MZB1: variants seen among roughly 807,000 people sequenced by gnomAD.
The protein encoded by MZB1 is marginal zone B- and B1-cell-specific protein.
MZB1 carries 10 observed loss-of-function variants against 17.2 expected under a neutral mutation model. The ratio of observed to expected loss-of-function variants is 0.58; its 90% confidence interval spans 0.36 to 0.98. The LOEUF (loss-of-function observed/expected upper bound fraction) is 0.98. Among genes scored for constraint, MZB1 ranks in the 50% least tolerant of loss-of-function variants. The pLI is 0.01. For synonymous variants in MZB1, 99 were observed against 98.7 expected, an observed-to-expected ratio of 1.00 and a Z score of -0.02; for missense variants, 246 against 237.5, an observed-to-expected ratio of 1.04 and a Z score of -0.23.
rs980443440 is a variant in MZB1, at chr5:139,387,678, C to T, written c.*87G>A. Reference sequence around the variant, plus strand: ...GCAGGATGGCAGCACAGAGCAAGGGCTTCCTGCCCTCCTGGCTGCCTGCAG... The same window carrying T: ...GCAGGATGGCAGCACAGAGCAAGGGTTTCCTGCCCTCCTGGCTGCCTGCAG... On this transcript the variant is annotated 3_prime_UTR_variant, in exon 4 of 4. Coordinates refer to ENST00000302125, the MANE Select transcript of MZB1 (RefSeq NM_016459.4). 13 of 1,453,070 alleles carry T rather than the reference C, an allele frequency of 8.9e-6. No homozygotes were observed. Among genetic ancestry groups the T allele is most frequent in the African/African-American group, 2.9e-5 (2 of 69,368 alleles). The allele number at this position is 1,453,070 out of a possible 1,614,324, so 90.0% of individuals were successfully genotyped here. A position where few individuals can be genotyped will look rare whatever the true frequency, so the allele number is the denominator to read the frequency against.
chr5:139,387,973 A>G (rs1290090953), intron 3 of MZB1, 48 bp downstream of exon 3: 1 of 1,579,634 alleles, frequency 6.3e-7, no homozygotes, highest in African/African-American at 1.4e-5. Context: ...CAGTGGGGCA[A>G]ACCAAGGCTC....
Position 139,388,557 on chromosome 5 carries a change from G to T in MZB1, c.206C>A (p.Thr69Asn), listed in dbSNP as rs1758553200. The T allele has an allele frequency of 6.2e-7, 1 of 1,601,844 alleles. No homozygotes were observed. The highest frequency in any genetic ancestry group is 1.1e-5 in the South Asian group (1 of 88,502). The change falls in exon 2 of 4, where the codon ACC becomes AAC. Residue 69 changes from threonine (T) to asparagine (N), a missense_variant. Thr to Asn is a moderately conservative substitution (Grantham distance 65). Transcript: ENST00000302125. ...QMWQNLAKAE[T>N]KLHTSNSGGR... ...CCCAGAGTTTGAGGTATGAAGTTTGGTCTCTGCCTTTGCCAGATTTTGCCA... is the reference window on the plus strand; with the variant it reads ...CCCAGAGTTTGAGGTATGAAGTTTGTTCTCTGCCTTTGCCAGATTTTGCCA...
rs374361231 is a variant in MZB1, at chr5:139,387,817, C to T, written c.518G>A (p.Gly173Glu). Residue 173 changes from glycine to glutamate, a missense_variant, in exon 4 of 4, where the codon GGA becomes GAA. Transcript: ENST00000302125. ...CTTCTCTGAGCAGGCCCCCTGGGGTCCCCCACATAGCAATGCCTCCAGAGC... is the reference window on the plus strand; with the variant it reads ...CTTCTCTGAGCAGGCCCCCTGGGGTTCCCCACATAGCAATGCCTCCAGAGC... ...RGALEALLCG[G>E]PQGACSEKVS... 1.3e-6 allele frequency: 2 copies of T among 1,591,510 alleles called. No homozygotes were observed. Among genetic ancestry groups the T allele is most frequent in the Admixed American group, 3.7e-5 (2 of 53,742 alleles).
At chr5:139,389,343 G>T in intron 1 of MZB1, 1 of 542,166 alleles carries the variant, frequency 1.8e-6, no homozygotes, top group Non-Finnish European at 3.5e-6. Flanking sequence ...GCGCTCACAC[G>T]TGTGCACTTG....
intron 2 of MZB1, 127 bp from the exon 3 acceptor site, chr5:139,388,258 A>G (rs1284061977): frequency 6.4e-6 from 7 of 1,097,148 alleles, no homozygotes; most frequent in Non-Finnish European, 9.0e-6. Context: ...CCCTGGCCCA[A>G]GGTCACAAGG....
intron 2 of MZB1, 50 bp from the exon 3 acceptor site, chr5:139,388,181 A>G: frequency 1.3e-6 from 2 of 1,495,178 alleles, no homozygotes; most frequent in Non-Finnish European, 1.8e-6. Flanking sequence ...GAGCCCAGCC[A>G]GGGAGAGACC....
chr5:139,387,629 G>T lies in MZB1; in HGVS notation c.*136C>A. On this transcript the variant is annotated 3_prime_UTR_variant, in exon 4 of 4. Coordinates refer to ENST00000302125, the MANE Select transcript of MZB1 (RefSeq NM_016459.4). ...GGCGTTGACTCCCACCCAGGCCCGAGTGCCCTGAGGCTGGAGGAGGGAGGC... is the reference window on the plus strand; with the variant it reads ...GGCGTTGACTCCCACCCAGGCCCGATTGCCCTGAGGCTGGAGGAGGGAGGC... The T allele has an allele frequency of 8.9e-7, 1 of 1,122,372 alleles. No homozygotes were observed. Among genetic ancestry groups the T allele is most frequent in the Non-Finnish European group, 1.2e-6 (1 of 835,824 alleles). 69.5% of individuals were successfully genotyped at this position (1,122,372 alleles called of 1,614,324 possible). A position where few individuals can be genotyped will look rare whatever the true frequency, so the allele number is the denominator to read the frequency against.
chr5:139,388,789 C>G (rs1561987252), intron 1 of MZB1: 1 of 805,498 alleles, frequency 1.2e-6, no homozygotes, highest in East Asian at 3.0e-5. Context: ...GAAAGAAATG[C>G]TGAAGTGGTA....
intron 1 of MZB1, 67 bp from the exon 2 acceptor site, chr5:139,388,652 G>T: frequency 1.3e-6 from 2 of 1,568,824 alleles, no homozygotes; most frequent in Non-Finnish European, 1.7e-6. Flanking sequence ...AGGTGGGGAG[G>T]ATAGGAGCAG....
rs201837944 is a variant in MZB1, at chr5:139,388,533, C to A, written c.230G>T (p.Gly77Val). The change falls in exon 2 of 4, where the codon GGG becomes GTG. Residue 77 changes from glycine to valine, a missense_variant. Coordinates refer to ENST00000302125, the MANE Select transcript of MZB1 (RefSeq NM_016459.4). ...AETKLHTSNS[G>V]GRRELSELVY... Reference sequence around the variant, plus strand: ...CAACTCGCTCAGCTCCCGCCGCCCCCCAGAGTTTGAGGTATGAAGTTTGGT... The same window carrying A: ...CAACTCGCTCAGCTCCCGCCGCCCCACAGAGTTTGAGGTATGAAGTTTGGT... 2.9e-5 allele frequency: 47 copies of A among 1,600,826 alleles called. No individual in the cohort carries two copies. The highest frequency in any genetic ancestry group is 5.2e-5 in the Admixed American group (3 of 57,976).
In MZB1 at chr5:139,389,746, C is replaced by T; in HGVS notation, c.111G>A (p.Glu37=). Residue 37 remains glutamate, a synonymous_variant, in exon 1 of 4, where the codon GAG becomes GAA. Coordinates refer to ENST00000302125, the MANE Select transcript of MZB1 (RefSeq NM_016459.4). The part of the protein sequence containing the change: ...LTATAPQLDD[E]EMYSAHMPAH... ...CGGGCATGTGGGCTGAGTACATCTC[C>T]TCATCATCCAGTTGTGGGGCTGTGG... 1 of 1,567,722 alleles carries T rather than the reference C, an allele frequency of 6.4e-7. No individual in the cohort carries two copies.
chr5:139,388,549 G>C lies in MZB1; in HGVS notation c.214C>G (p.His72Asp), dbSNP rs771560302. Reference sequence around the variant, plus strand: ...CGCCGCCCCCCAGAGTTTGAGGTATGAAGTTTGGTCTCTGCCTTTGCCAGA... The same window carrying C: ...CGCCGCCCCCCAGAGTTTGAGGTATCAAGTTTGGTCTCTGCCTTTGCCAGA... ...QNLAKAETKL[H>D]TSNSGGRREL... is the part of the protein sequence containing the mutation. Residue 72 changes from histidine to aspartate, a missense_variant, in exon 2 of 4, where the codon CAT becomes GAT. Coordinates refer to ENST00000302125, the MANE Select transcript of MZB1 (RefSeq NM_016459.4). The C allele has an allele frequency of 1.2e-6, 2 of 1,601,846 alleles. No individual in the cohort carries two copies. Among genetic ancestry groups the C allele is most frequent in the Admixed American group, 3.4e-5 (2 of 58,176 alleles).
chr5:139,389,593 G>A, intron 1 of MZB1, 87 bp downstream of exon 1: 1 of 1,451,872 alleles, frequency 6.9e-7, no homozygotes, highest in Non-Finnish European at 9.3e-7. Flanking sequence ...GGGGATCAAA[G>A]GCCGGTGGTG....
intron 3 of MZB1, 21 bp downstream of exon 3, chr5:139,388,000 T>A: frequency 1.3e-6 from 2 of 1,568,558 alleles, no homozygotes; most frequent in Non-Finnish European, 1.7e-6. Flanking sequence ...CTTCATCCTA[T>A]CCCCAAGCCC....
intron 1 of MZB1, 107 bp downstream of exon 1, chr5:139,389,570 AGTG>A (rs1276119343): frequency 1.6e-6 from 2 of 1,280,860 alleles, no homozygotes; most frequent in East Asian, 5.1e-5. Context: ...CTTGATGCCC[AGTG>A]GTAGGGATTG....
intron 2 of MZB1, 40 bp downstream of exon 2, chr5:139,388,421 C>G (rs1315595829): frequency 3.3e-6 from 5 of 1,495,780 alleles, no homozygotes; most frequent in African/African-American, 2.0e-5. Context: ...CCAGGCCTGC[C>G]CTTGGAGGAG....
In MZB1 at chr5:139,387,860, G is replaced by A. The variant is rs759808483; in HGVS notation, c.475C>T (p.His159Tyr). ...TCCAGAGCCCCTCGGCCTTGTTGGT[G>A]GGCTTCATAGATCTGGTCTTCTCCA... Reference protein sequence around the residue: ...EFGEDQIYEAHQQGRGALEAL... With the variant: ...EFGEDQIYEAYQQGRGALEAL... Residue 159 changes from histidine to tyrosine, a missense_variant, in exon 4 of 4, where the codon CAC (histidine) becomes TAC (tyrosine). By Grantham distance (83) the His-to-Tyr change is moderately conservative. Transcript: ENST00000302125. 6 of 1,606,540 alleles carry A rather than the reference G, an allele frequency of 3.7e-6. No individual in the cohort carries two copies. In the African/African-American group the frequency reaches 6.7e-5, roughly 18 times the overall value.
Position 139,387,805 on chromosome 5 carries a change from G to C in MZB1, c.530C>G (p.Ala177Gly). The C allele has an allele frequency of 6.4e-7, 1 of 1,573,404 alleles. No homozygotes were observed. The highest frequency in any genetic ancestry group is 2.0e-5 in the Admixed American group (1 of 49,760). Residue 177 changes from alanine (A) to glycine (G), a missense_variant, in exon 4 of 4, where the codon GCC (alanine) becomes GGC (glycine). Transcript: ENST00000302125. The part of the protein sequence containing the change: ...EALLCGGPQG[A>G]CSEKVSATRE... The stretch of plus-strand genomic sequence containing the variant: ...TGTGGCTGACACCTTCTCTGAGCAG[G>C]CCCCCTGGGGTCCCCCACATAGCAA...
rs748501256 is a variant in MZB1, at chr5:139,389,820, CCAGCAGCAG to C, written c.28_36del (p.Leu10_Leu12del). ...AGGCCCCCTGGGATGGCCCAGGCTCCCAGCAGCAGCAGCAGCAGTGGCAGTGACAGCCTC... is the reference window on the plus strand; with the variant it reads ...AGGCCCCCTGGGATGGCCCAGGCTCCCAGCAGCAGTGGCAGTGACAGCCTC... On this transcript the variant is annotated inframe_deletion, in exon 1 of 4. Transcript: ENST00000302125. 1.3e-6 allele frequency: 2 copies of C among 1,548,194 alleles called. No homozygotes were observed. The highest frequency in any genetic ancestry group is 1.7e-6 in the Non-Finnish European group (2 of 1,146,268).
Sources: gnomAD v4.1 joint callset for allele counts on GRCh38, gnomAD v4.1.1 for gene constraint, MANE v1.5 for transcripts, NCBI Gene and HGNC (gene_info 2026-07-23, HGNC 2026-07-21) for gene names.